NKAIN2: variants seen among roughly 807,000 people sequenced by gnomAD.
NKAIN2 encodes sodium/potassium-transporting ATPase subunit beta-1-interacting protein 2.
NKAIN2 carries 14 observed loss-of-function variants against 32.6 expected under a neutral mutation model. That is an observed-to-expected ratio of 0.43 (90% CI 0.28 to 0.67). The LOEUF (loss-of-function observed/expected upper bound fraction) is 0.67. NKAIN2 is among the 30% of genes least tolerant of loss of function. The pLI is 0.17. For synonymous variants in NKAIN2, 80 were observed against 87.2 expected, an observed-to-expected ratio of 0.92 and a Z score of 0.46; for missense variants, 198 against 258.3, an observed-to-expected ratio of 0.77 and a Z score of 1.60.
At chr6:124,192,223 A>G (rs917019723) in intron 1 of NKAIN2, among the ~76,000 whole-genome samples, 1 of 152,162 alleles carries the variant, frequency 6.6e-6, no homozygotes, top group Non-Finnish European at 1.5e-5. Context: ...TCTGATATAG[A>G]CATTTACAAC....
chr6:124,062,391 G>T (rs973046418), intron 1 of NKAIN2, among the ~76,000 whole-genome samples: 1 of 152,058 alleles, frequency 6.6e-6, no homozygotes, highest in Non-Finnish European at 1.5e-5. Flanking sequence ...CCCTAGAATA[G>T]AGTTCCAGGA....
intron 1 of NKAIN2, among the ~76,000 whole-genome samples, chr6:124,056,735 T>C (rs546354971): frequency 8.1e-4 from 124 of 152,160 alleles, no homozygotes; most frequent in African/African-American, 2.9e-3. Flanking sequence ...TGTATATATT[T>C]TGTTCTACAT....
At chr6:124,816,829 G>A (rs74501762) in intron 5 of NKAIN2, among the ~76,000 whole-genome samples, 2 of 152,044 alleles carry the variant, frequency 1.3e-5, no homozygotes, top group Non-Finnish European at 2.9e-5. Flanking sequence ...CTCTTATCTT[G>A]TTGGCCTTGT....
chr6:124,076,901 G>A (rs550272517), intron 1 of NKAIN2, among the ~76,000 whole-genome samples: 1 of 152,238 alleles, frequency 6.6e-6, no homozygotes, highest in East Asian at 1.9e-4. Flanking sequence ...ATTGTAAATG[G>A]GCAATTATAA....
intron 3 of NKAIN2, among the ~76,000 whole-genome samples, chr6:124,614,956 C>T (rs530976990): frequency 6.6e-6 from 1 of 152,314 alleles, no homozygotes; most frequent in South Asian, 2.1e-4. Flanking sequence ...GCCTCTATCA[C>T]ACTCACAGTT....
intron 1 of NKAIN2, among the ~76,000 whole-genome samples, chr6:124,259,717 G>A (rs1794133950): frequency 1.3e-5 from 2 of 152,144 alleles, no homozygotes; most frequent in African/African-American, 4.8e-5. Flanking sequence ...AAGGCAGAGT[G>A]GGTCCACTTT....
intron 3 of NKAIN2, among the ~76,000 whole-genome samples, chr6:124,565,021 TCTA>T (rs1438014302): frequency 4.6e-5 from 7 of 151,996 alleles, no homozygotes; most frequent in Non-Finnish European, 1.0e-4. Context: ...TGTTAAAGCT[TCTA>T]CCTTTCCCAT....
At chr6:124,458,909 C>T (rs979539021) in intron 3 of NKAIN2, among the ~76,000 whole-genome samples, 3 of 151,686 alleles carry the variant, frequency 2.0e-5, no homozygotes, top group African/African-American at 4.8e-5. Context: ...TGCTTCCTGC[C>T]GTATTTCCCA....
intron 1 of NKAIN2, among the ~76,000 whole-genome samples, chr6:124,103,283 C>T (rs1461858729): frequency 2.0e-5 from 3 of 151,942 alleles, no homozygotes; most frequent in Non-Finnish European, 4.4e-5. Context: ...AAAAATAGAG[C>T]GTGAATCGAA....
intron 4 of NKAIN2, among the ~76,000 whole-genome samples, chr6:124,724,727 C>A (rs1464250689): frequency 2.6e-5 from 4 of 152,174 alleles, no homozygotes; most frequent in Non-Finnish European, 5.9e-5. Flanking sequence ...ATGTACAACT[C>A]TTCAGTCTTT....
chr6:123,926,909 T>C (rs568624170), intron 1 of NKAIN2, among the ~76,000 whole-genome samples: 1 of 152,330 alleles, frequency 6.6e-6, no homozygotes, highest in African/African-American at 2.4e-5. Flanking sequence ...TTATCTTAAT[T>C]TGGAAGAAGC....
intron 4 of NKAIN2, among the ~76,000 whole-genome samples, chr6:124,743,379 C>G (rs1682104033): frequency 6.6e-6 from 1 of 151,776 alleles, no homozygotes; most frequent in South Asian, 2.1e-4. Context: ...AAATCCTAGC[C>G]TCTCCATGTA....
At chr6:123,823,457 G>A (rs1774009491) in intron 1 of NKAIN2, 1 of 152,216 alleles carries the variant, frequency 6.6e-6, no homozygotes, top group African/African-American at 2.4e-5. Context: ...ACTGTTGGGA[G>A]GTAATTGAGT....
At chr6:123,931,415 A>G (rs1776247853) in intron 1 of NKAIN2, among the ~76,000 whole-genome samples, 1 of 152,150 alleles carries the variant, frequency 6.6e-6, no homozygotes, top group Non-Finnish European at 1.5e-5. Flanking sequence ...ATAAAAATAA[A>G]GATTTGGCTT....
At chr6:123,961,391 A>G (rs1267995) in intron 1 of NKAIN2, among the ~76,000 whole-genome samples, 56,003 of 152,086 alleles carry the variant, frequency 0.37, 10,617 homozygotes, top group African/African-American at 0.47. Context: ...CACTTTAGAA[A>G]AAATGTGAAC....
chr6:124,498,619 G>A (rs978482021), intron 3 of NKAIN2, among the ~76,000 whole-genome samples: 2 of 152,126 alleles, frequency 1.3e-5, no homozygotes, highest in Non-Finnish European at 2.9e-5. Context: ...TTTTCTTAGT[G>A]CTGTGATAAT....
At chr6:124,565,019 C>T (rs754642347) in intron 3 of NKAIN2, among the ~76,000 whole-genome samples, 6 of 151,946 alleles carry the variant, frequency 3.9e-5, no homozygotes, top group Non-Finnish European at 5.9e-5. Flanking sequence ...TATGTTAAAG[C>T]TTCTACCTTT....
At chr6:124,371,658 C>CACT (rs2114327778) in intron 3 of NKAIN2, among the ~76,000 whole-genome samples, 1 of 138,730 alleles carries the variant, frequency 7.2e-6, no homozygotes, top group East Asian at 2.1e-4. Context: ...TGCGCCACTG[C>CACT]ACTCCAGCCT....
intron 3 of NKAIN2, among the ~76,000 whole-genome samples, chr6:124,386,350 C>G (rs190465022): frequency 6.6e-6 from 1 of 152,122 alleles, no homozygotes; most frequent in Non-Finnish European, 1.5e-5. Context: ...GCTTGAGCAT[C>G]CCATAAAACC....
Sources: gnomAD v4.1 joint callset for allele counts (sites outside exome capture counted in the v4.1 genomes callset) on GRCh38, gnomAD v4.1.1 for gene constraint, MANE v1.5 for transcripts, NCBI Gene and HGNC (gene_info 2026-07-23, HGNC 2026-07-21) for gene names.